The following HSPG2 variants were observed in gnomAD, a reference collection of about 807,000 sequenced individuals.
The protein encoded by HSPG2 is basement membrane-specific heparan sulfate proteoglycan core protein.
A neutral mutation model predicts 526.6 loss-of-function variants in HSPG2; 278 were observed. The ratio of observed to expected loss-of-function variants is 0.53; its 90% CI spans 0.48 to 0.58. The LOEUF (loss-of-function observed/expected upper bound fraction) is 0.58. Ranked by LOEUF, HSPG2 falls within the 20% of genes least tolerant of loss-of-function variation. The pLI, the probability that HSPG2 is intolerant of heterozygous loss-of-function variation, is 0.00. For missense variants in HSPG2, 5,354 were observed against 6,099.5 expected, an observed-to-expected ratio of 0.88 and a Z score of 4.07; for synonymous variants, 2,465 against 2,555.4, an observed-to-expected ratio of 0.96 and a Z score of 1.07.
At chr1:21,886,478 C>A (rs894789415) in intron 9 of HSPG2, among the ~76,000 whole-genome samples, 4 of 152,160 alleles carry the variant, frequency 2.6e-5, no homozygotes, top group Admixed American at 6.5e-5. Flanking sequence ...CCACCCAGGA[C>A]CACAGAGAAG....
chr1:21,855,756 G>A (rs750925348), intron 45 of HSPG2, 31 bp downstream of exon 45: 2 of 1,611,300 alleles, frequency 1.2e-6, no homozygotes, highest in Admixed American at 1.7e-5. Context: ...GGAGAGTCAG[G>A]CCTTGAATGT....
chr1:21,872,905 G>T lies in HSPG2; in HGVS notation c.3888+92C>A. The T allele has an allele frequency of 1.9e-6, 3 of 1,541,358 alleles. No individual in the cohort carries two copies. Among genetic ancestry groups the T allele is most frequent in the Non-Finnish European group, 2.7e-6 (3 of 1,114,746 alleles). On this transcript the variant is annotated intron_variant, in intron 31 of 96. Transcript: ENST00000374695. The surrounding 1 kb of genome is among the most constrained non-coding windows in gnomAD (Gnocchi z 5.5). ...CCCATGCCCTGCCCCCCATGCCCAG[G>T]TCTCGGCTTCCACCAGATGCTGCCT...
intron 69 of HSPG2, 109 bp from the exon 70 acceptor site, chr1:21,841,782 G>T: frequency 1.4e-6 from 2 of 1,444,676 alleles, no homozygotes; most frequent in African/African-American, 1.4e-5. Flanking sequence ...CTCCGGCCTG[G>T]GTGTGTCTAG....
intron 33 of HSPG2, chr1:21,870,778 G>A (rs957102385): frequency 3.2e-5 from 31 of 962,970 alleles, no homozygotes; most frequent in Admixed American, 6.2e-5. Context: ...GGGAGCACCC[G>A]AGAAGGCACC....
In HSPG2 at chr1:21,823,431, C is replaced by A; in HGVS notation, c.13061G>T (p.Gly4354Val). 1 of 1,589,676 alleles carries A rather than the reference C, an allele frequency of 6.3e-7. No homozygotes were observed. Among genetic ancestry groups the A allele is most frequent in the Admixed American group, 1.7e-5 (1 of 58,112 alleles). The change falls in exon 97 of 97, where the codon GGC becomes GTC. Residue 4354 changes from glycine (G) to valine (V), a missense_variant. Transcript: ENST00000374695. ...GTGCAGCACCAGGTTCTTGACACAGCCTGTGATGCCTGAGGAGAATCTGCC... is the reference window on the plus strand; with the variant it reads ...GTGCAGCACCAGGTTCTTGACACAGACTGTGATGCCTGAGGAGAATCTGCC... ...TGGRFSSGIT[G>V]CVKNLVLHSA...
intron 44 of HSPG2, 61 bp from the exon 45 acceptor site, chr1:21,855,973 C>A: frequency 6.3e-7 from 1 of 1,591,024 alleles, no homozygotes; most frequent in Non-Finnish European, 8.5e-7. Context: ...ACTCACACAA[C>A]AGTCCTGCTG....
In HSPG2 at chr1:21,884,797, C is replaced by A. The variant is rs936462312; in HGVS notation, c.1477G>T (p.Asp493Tyr). 6.2e-7 allele frequency: 1 copy of A among 1,613,742 alleles called. No homozygotes were observed. The highest frequency in any genetic ancestry group is 8.5e-7 in the Non-Finnish European group (1 of 1,180,008). Residue 493 changes from aspartate to tyrosine, a missense_variant, in exon 12 of 97, where the codon GAC becomes TAC. By Grantham distance (160) the Asp-to-Tyr change is radical. Coordinates refer to ENST00000374695, the MANE Select transcript of HSPG2 (RefSeq NM_005529.7). ...TGTGGGACGAGCTCAAGGACACCGT[C>A]AGGAATGCCAAACACCATGCCCCGG... ...NARGMVFGIP[D>Y]GVLELVPQRG...
chr1:21,840,175 G>C (rs2098043022), intron 71 of HSPG2, among the ~76,000 whole-genome samples, 158 bp from the exon 72 acceptor site: 1 of 152,140 alleles, frequency 6.6e-6, no homozygotes, highest in African/African-American at 2.4e-5. Context: ...GTCTTACTCT[G>C]TCGCACAGGT....
intron 66 of HSPG2, among the ~76,000 whole-genome samples, 186 bp downstream of exon 66, chr1:21,843,111 C>T (rs533575726): frequency 6.6e-6 from 1 of 152,276 alleles, no homozygotes; most frequent in East Asian, 1.9e-4. Flanking sequence ...GGGCTGGGGT[C>T]CCCCTGGTTG....
intron 1 of HSPG2, among the ~76,000 whole-genome samples, chr1:21,931,277 G>A (rs1220457571): frequency 5.3e-5 from 8 of 152,252 alleles, no homozygotes; most frequent in Admixed American, 2.0e-4. Flanking sequence ...CAGTGAGGCC[G>A]GCGGCTCCCC....
intron 77 of HSPG2, 63 bp from the exon 78 acceptor site, chr1:21,833,988 C>A (rs2098015864): frequency 9.3e-7 from 1 of 1,078,626 alleles, no homozygotes; most frequent in Non-Finnish European, 1.4e-6. Context: ...GCCCAGCCTG[C>A]ACCCTGATTC....
In HSPG2 at chr1:21,874,891, C is replaced by A; in HGVS notation, c.3414G>T (p.Gln1138His). Residue 1138 changes from glutamine (Q) to histidine (H), a missense_variant and splice_region_variant, in exon 26 of 97, where the codon CAG becomes CAT. Gln to His is a conservative substitution (Grantham distance 24, BLOSUM62 0). Transcript: ENST00000374695. ...GGCTGGCGTGGGGCCCAGGACTCAC[C>A]TGGCAGGACGGCCCACGGTACCCGG... ...CPPGYRGPSC[Q>H]DCDTGYTRTP... 6.2e-7 allele frequency: 1 copy of A among 1,610,716 alleles called. No homozygotes were observed. The highest frequency in any genetic ancestry group is 1.7e-5 in the Admixed American group (1 of 59,750).
At position 21,872,791 on chromosome 1, in the gene HSPG2, G is replaced by A. The variant is rs745527436; in HGVS notation, c.3889-31C>T. 1.4e-5 allele frequency: 22 copies of A among 1,601,472 alleles called. No homozygotes were observed. The South Asian group carries it at 2.0e-4, about 15-fold the overall frequency. ...TAGACGGATGGAAGGAGGCAGGCAGGGGACTCAGTGGGTCTCCTGCACCCC... is the reference window on the plus strand; with the variant it reads ...TAGACGGATGGAAGGAGGCAGGCAGAGGACTCAGTGGGTCTCCTGCACCCC... On this transcript the variant is annotated intron_variant, in intron 31 of 96. Coordinates refer to ENST00000374695, the MANE Select transcript of HSPG2 (RefSeq NM_005529.7). The surrounding 1 kb of genome is among the most constrained non-coding windows in gnomAD (Gnocchi z 5.5).
chr1:21,861,698 TC>T, intron 39 of HSPG2, 58 bp downstream of exon 39: 1 of 1,483,342 alleles, frequency 6.7e-7, no homozygotes, highest in Non-Finnish European at 9.4e-7. Flanking sequence ...TTTAAGGCTC[TC>T]ACTTGGGAGT....
rs991985128 is a variant in HSPG2 at position 21,834,875 on chromosome 1, G to C, written c.10524C>G (p.Phe3508Leu). The C allele has an allele frequency of 6.2e-7, 1 of 1,613,806 alleles. No individual in the cohort carries two copies. Among genetic ancestry groups the C allele is most frequent in the African/African-American group, 1.3e-5 (1 of 75,048 alleles). Reference protein sequence around the residue: ...QTVVVGHAVEFECLALGDPKP... With the variant: ...QTVVVGHAVELECLALGDPKP... ...TGGGGTCACCCAGTGCCAGGCATTCGAACTCCACGGCGTGGCCAACCACCA... is the reference window on the plus strand; with the variant it reads ...TGGGGTCACCCAGTGCCAGGCATTCCAACTCCACGGCGTGGCCAACCACCA... The change falls in exon 77 of 97, where the codon TTC becomes TTG. Residue 3508 changes from phenylalanine (F) to leucine (L), a missense_variant. By Grantham distance (22) the Phe-to-Leu change is conservative. Transcript: ENST00000374695.
In HSPG2 at chr1:21,844,276, G is replaced by C; in HGVS notation, c.8488C>G (p.Arg2830Gly). Residue 2830 changes from arginine to glycine, a missense_variant, in exon 65 of 97, where the codon CGC (arginine) becomes GGC (glycine). Physicochemically the swap from Arg to Gly is moderately radical, Grantham distance 125. Transcript: ENST00000374695. The part of the protein sequence containing the change: ...VPAPGGAPPI[R>G]IEPSSSRVAE... ...ACTCGGGAGGAGGAGGGCTCGATGC[G>C]GATGGGTGGGGCTCCACCTGGGGCT... The C allele has an allele frequency of 1.9e-6, 3 of 1,613,386 alleles. No homozygotes were observed. Among genetic ancestry groups the C allele is most frequent in the Middle Eastern group, 3.3e-4 (2 of 6,044 alleles).
chr1:21,885,556 C>T (rs1430319112), intron 9 of HSPG2, 105 bp from the exon 10 acceptor site: 21 of 1,333,316 alleles, frequency 1.6e-5, no homozygotes, highest in African/African-American at 4.3e-5. Flanking sequence ...CAGCGGCCCT[C>T]GCCATGCCTA....
chr1:21,837,076 C>T (rs369684259), intron 74 of HSPG2, 70 bp from the exon 75 acceptor site: 93 of 1,371,150 alleles, frequency 6.8e-5, no homozygotes, highest in South Asian at 4.2e-4. Context: ...TCCAGGGACC[C>T]AGGAAACCCC....
In HSPG2 at chr1:21,865,768, G is replaced by GT. The variant is rs1367954683; in HGVS notation, c.4262dup (p.Tyr1421Ter). ...GTGGGCTGCCCTGTGGGCCTGCTGT[G>GT]TAGGAGAGGGTGTATCGCAACTTCC... ...YGGKLRYTLS[Y>*]TAGPQGSPLS... Residue 1421 changes from tyrosine to a stop codon, truncating the protein, a stop_gained and frameshift_variant, in exon 34 of 97, where the codon TAC (tyrosine) becomes TAAC (stop). Coordinates refer to ENST00000374695, the MANE Select transcript of HSPG2 (RefSeq NM_005529.7). LOFTEE classifies it high-confidence loss of function. The surrounding 1 kb of genome is among the most constrained non-coding windows in gnomAD (Gnocchi z 5.4). The GT allele has an allele frequency of 6.2e-7, 1 of 1,613,910 alleles. No homozygotes were observed. The highest frequency in any genetic ancestry group is 1.7e-5 in the Admixed American group (1 of 60,020).
Sources: allele counts gnomAD v4.1 joint callset (sites outside exome capture counted in the v4.1 genomes callset), GRCh38; gene constraint gnomAD v4.1.1; non-coding constraint Gnocchi (gnomAD v3.1); transcripts MANE v1.5; gene names NCBI Gene and HGNC (gene_info 2026-07-23, HGNC 2026-07-21).